Variants in RANBP17 observed in about 807,000 individuals in gnomAD.
RANBP17 encodes RAN binding protein 17.
Under a neutral mutation model 141.2 loss-of-function variants are expected in RANBP17, and 158 were observed. The ratio of observed to expected loss-of-function variants is 1.12; its 90% CI spans 0.98 to 1.28. RANBP17 has a LOEUF of 1.28. Ranked by LOEUF, RANBP17 falls within the 50% of genes most tolerant of loss-of-function variation. The probability of loss-of-function intolerance (pLI) is 0.00; values close to 1 mark genes in which losing one functional copy is unlikely to be tolerated. For synonymous variants in RANBP17, 430 were observed against 450.0 expected (o/e 0.96, Z 0.56); for missense variants, 1,438 against 1,290.7 (o/e 1.11, Z -1.75).
At chr5:170,950,394 A>C (rs143732814) in intron 12 of RANBP17, among the ~76,000 whole-genome samples, 47 of 152,130 alleles carry the variant, frequency 3.1e-4, no homozygotes, top group South Asian at 1.2e-3. Context: ...AAAACAAAAA[A>C]AAAATAACTC....
At chr5:170,872,571 T>TA (rs1767839164) in intron 1 of RANBP17, among the ~76,000 whole-genome samples, 1 of 152,172 alleles carries the variant, frequency 6.6e-6, no homozygotes, top group African/African-American at 2.4e-5. Context: ...TGAGAGAGGG[T>TA]ATCCTTGTCT....
intron 14 of RANBP17, among the ~76,000 whole-genome samples, chr5:171,033,410 C>A (rs575753648): frequency 1.3e-5 from 2 of 152,004 alleles, no homozygotes; most frequent in African/African-American, 4.8e-5. Context: ...AAATATACTG[C>A]GTCCATATTA....
intron 12 of RANBP17, among the ~76,000 whole-genome samples, chr5:170,951,512 T>C (rs1310447460): frequency 6.6e-6 from 1 of 152,156 alleles, no homozygotes; most frequent in East Asian, 1.9e-4. Context: ...TATTGTATGA[T>C]TCCATTTATA....
chr5:171,176,463 G>A (rs1760488301), intron 16 of RANBP17, among the ~76,000 whole-genome samples: 1 of 152,030 alleles, frequency 6.6e-6, no homozygotes, highest in Admixed American at 6.6e-5. Context: ...TATTTATTAA[G>A]CATTTGCTAA....
chr5:171,000,128 T>C (rs1213798511), intron 14 of RANBP17, among the ~76,000 whole-genome samples: 1 of 152,234 alleles, frequency 6.6e-6, no homozygotes, highest in Non-Finnish European at 1.5e-5. Context: ...ACATTTTGCT[T>C]ATCCATTCAT....
At chr5:171,277,668 T>TATATATATATATATATATATATATATA in intron 25 of RANBP17, among the ~76,000 whole-genome samples, 1 of 136,648 alleles carries the variant, frequency 7.3e-6, no homozygotes, top group Middle Eastern at 3.7e-3. Flanking sequence ...TATATATATA[T>TATATATATATATATATATATATATATA]TTATGTCTTA....
At chr5:171,079,887 G>C (rs1424820166) in intron 14 of RANBP17, among the ~76,000 whole-genome samples, 1 of 152,072 alleles carries the variant, frequency 6.6e-6, no homozygotes, top group East Asian at 1.9e-4. Context: ...GTCGGTATTT[G>C]GGAAGAGAAG....
intron 4 of RANBP17, among the ~76,000 whole-genome samples, chr5:170,892,959 A>G (rs890005539): frequency 6.6e-5 from 10 of 152,202 alleles, no homozygotes; most frequent in African/African-American, 2.2e-4. Context: ...AAGATTGCAT[A>G]GTGACTGATT....
At chr5:171,020,536 C>CT (rs1223198966) in intron 14 of RANBP17, among the ~76,000 whole-genome samples, 1 of 151,030 alleles carries the variant, frequency 6.6e-6, no homozygotes, top group Admixed American at 6.6e-5. Flanking sequence ...TTCCTTGTCT[C>CT]TTTTTGGTCT....
At chr5:171,137,574 G>GTA (rs2127800923) in intron 14 of RANBP17, among the ~76,000 whole-genome samples, 1 of 133,498 alleles carries the variant, frequency 7.5e-6, no homozygotes, top group African/African-American at 3.4e-5. Flanking sequence ...GACTTGAGAT[G>GTA]TGTGTGTGTG....
At chr5:171,062,744 C>T (rs1252769315) in intron 14 of RANBP17, among the ~76,000 whole-genome samples, 1 of 152,198 alleles carries the variant, frequency 6.6e-6, no homozygotes, top group African/African-American at 2.4e-5. Context: ...GGATAATATC[C>T]TGCAGAGTGT....
At chr5:170,935,811 C>G (rs925775413) in intron 12 of RANBP17, among the ~76,000 whole-genome samples, 7 of 152,196 alleles carry the variant, frequency 4.6e-5, no homozygotes, top group African/African-American at 1.7e-4. Flanking sequence ...AACTACTGCT[C>G]TCTTCAAAGC....
chr5:171,137,183 G>C (rs1013181641), intron 14 of RANBP17, among the ~76,000 whole-genome samples: 6 of 152,106 alleles, frequency 3.9e-5, no homozygotes, highest in Non-Finnish European at 7.4e-5. Flanking sequence ...CCACATGAAA[G>C]TATTTATTGT....
At position 171,243,371 on chromosome 5, in the gene RANBP17, A is replaced by G. The variant is rs372795692; in HGVS notation, c.2776+551A>G. On this transcript the variant is annotated intron_variant, in intron 24 of 27. Coordinates refer to ENST00000523189, the MANE Select transcript of RANBP17 (RefSeq NM_022897.5). Reference sequence around the variant, plus strand: ...AAAATCAATTAGTTTATTCCTTTCTATTGCTGAGTATTATTCCATTGTATG... The same window carrying G: ...AAAATCAATTAGTTTATTCCTTTCTGTTGCTGAGTATTATTCCATTGTATG... Among the ~76,000 whole-genome samples, 38 of 152,234 alleles carry G rather than the reference A, an allele frequency of 2.5e-4. No individual in the cohort carries two copies. The South Asian group carries it at 7.7e-3, about 31-fold the overall frequency.
intron 13 of RANBP17, among the ~76,000 whole-genome samples, chr5:170,958,347 A>G (rs1051107496): frequency 6.6e-6 from 1 of 152,142 alleles, no homozygotes; most frequent in African/African-American, 2.4e-5. Context: ...CTGGGAAGAT[A>G]CATAACTCCA....
At chr5:171,276,758 A>G (rs1027849554) in intron 25 of RANBP17, among the ~76,000 whole-genome samples, 1 of 152,238 alleles carries the variant, frequency 6.6e-6, no homozygotes, top group East Asian at 1.9e-4. Flanking sequence ...AAGGACAGCT[A>G]CACAGGGTTA....
chr5:171,190,920 G>A (rs1184525584), intron 18 of RANBP17, among the ~76,000 whole-genome samples: 3 of 152,158 alleles, frequency 2.0e-5, no homozygotes, highest in African/African-American at 7.2e-5. Context: ...TTTCATGATT[G>A]CATCTTATGT....
intron 22 of RANBP17, 125 bp downstream of exon 22, chr5:171,221,965 A>C: frequency 1.6e-6 from 1 of 642,738 alleles, no homozygotes; most frequent in East Asian, 2.8e-5. Flanking sequence ...TCGGTAATAC[A>C]AGTGCAAAAA....
At chr5:170,896,995 C>T (rs1049420334) in intron 5 of RANBP17, 3 of 1,092,910 alleles carry the variant, frequency 2.7e-6, no homozygotes, top group Non-Finnish European at 4.1e-6. Context: ...CTTCTGGGAC[C>T]TGGCACTAAG....
Sources: gnomAD v4.1 joint callset for allele counts (sites outside exome capture counted in the v4.1 genomes callset) on GRCh38, gnomAD v4.1.1 for gene constraint, MANE v1.5 for transcripts, NCBI Gene and HGNC (gene_info 2026-07-23, HGNC 2026-07-21) for gene names.